The following RABGAP1L variants were observed in gnomAD, a reference collection of about 807,000 sequenced individuals.
RABGAP1L encodes RAB GTPase activating protein 1 like.
Under a neutral mutation model 137.7 loss-of-function variants are expected in RABGAP1L, and 63 were observed. The observed-to-expected ratio is 0.46, with a 90% CI of 0.37 to 0.56. The LOEUF (loss-of-function observed/expected upper bound fraction) is 0.56. Ranked by LOEUF, RABGAP1L falls within the 20% of genes least tolerant of loss-of-function variation. The pLI is 0.00. For missense variants in RABGAP1L, 1,095 were observed against 1,244.0 expected (o/e 0.88, Z 1.80); for synonymous variants, 431 against 433.7 (o/e 0.99, Z 0.08).
At chr1:174,666,041 C>T (rs1425758173) in intron 14 of RABGAP1L, among the ~76,000 whole-genome samples, 1 of 152,094 alleles carries the variant, frequency 6.6e-6, no homozygotes, top group East Asian at 1.9e-4. Context: ...ACTCTGTGAC[C>T]TCTTTTTATT....
In RABGAP1L at chr1:174,918,002, C is replaced by T. The variant is rs1661163897; in HGVS notation, c.2341-39455C>T. On this transcript the variant is annotated intron_variant, in intron 19 of 25. Transcript: ENST00000681986. ...GAGTGCCTGTCATGTGTCAGGGATACAGGGGTAAGTTGTCTGTAACCAGAA... is the reference window on the plus strand; with the variant it reads ...GAGTGCCTGTCATGTGTCAGGGATATAGGGGTAAGTTGTCTGTAACCAGAA... Among the ~76,000 whole-genome samples, 10 of 150,040 alleles carry T rather than the reference C, an allele frequency of 6.7e-5. No individual in the cohort carries two copies. The South Asian group carries it at 2.1e-3, about 32-fold the overall frequency.
chr1:174,666,880 C>T (rs964377749), intron 14 of RABGAP1L, among the ~76,000 whole-genome samples: 4 of 150,676 alleles, frequency 2.7e-5, no homozygotes, highest in African/African-American at 9.8e-5. Flanking sequence ...AGGTCAAGAG[C>T]AGTAGTAGTC....
intron 19 of RABGAP1L, among the ~76,000 whole-genome samples, chr1:174,888,143 G>A (rs1419915323): frequency 1.3e-5 from 2 of 152,096 alleles, no homozygotes; most frequent in African/African-American, 4.8e-5. Flanking sequence ...ATGGTAGTGA[G>A]GCTACTATAA....
intron 10 of RABGAP1L, 72 bp downstream of exon 10, chr1:174,278,851 G>C (rs1675241333): frequency 8.2e-7 from 1 of 1,213,870 alleles, no homozygotes; most frequent in East Asian, 2.8e-5. Context: ...TTAATGCCAA[G>C]ATAATTCCTG....
In RABGAP1L at chr1:174,882,603, A is replaced by G. The variant is rs369943035; in HGVS notation, c.2340+70643A>G. On this transcript the variant is annotated intron_variant, in intron 19 of 25. Transcript: ENST00000681986. ...AAATCTCTCTATCCACACTTTGGAA[A>G]ATATGATTATATCCTATTGAGTCCT... Among the ~76,000 whole-genome samples the G allele has an allele frequency of 5.9e-5, 9 of 152,362 alleles. No individual in the cohort carries two copies. The South Asian group carries it at 1.0e-3, about 18-fold the overall frequency.
chr1:174,433,970 A>G (rs998377492), intron 13 of RABGAP1L, among the ~76,000 whole-genome samples: 2 of 152,188 alleles, frequency 1.3e-5, no homozygotes, highest in Non-Finnish European at 2.9e-5. Flanking sequence ...ATACATTTTA[A>G]TGAGCTTTGA....
intron 11 of RABGAP1L, among the ~76,000 whole-genome samples, chr1:174,325,244 G>C (rs12088180): frequency 0.063 from 9,561 of 152,290 alleles, 979 homozygotes; most frequent in African/African-American, 0.21. Context: ...GTGGGGGAAA[G>C]AAAGTAATTT....
chr1:174,624,435 A>G (rs530279553), intron 13 of RABGAP1L, among the ~76,000 whole-genome samples: 13 of 152,298 alleles, frequency 8.5e-5, no homozygotes, highest in Non-Finnish European at 1.9e-4. Context: ...GAAATAATGG[A>G]CTATGCCCTG....
chr1:174,620,753 A>C (rs981608021), intron 13 of RABGAP1L, among the ~76,000 whole-genome samples: 1 of 152,192 alleles, frequency 6.6e-6, no homozygotes, highest in Non-Finnish European at 1.5e-5. Context: ...ACACATTCAA[A>C]AGCTAGCGGA....
At chr1:174,161,113 T>C (rs1664399904) in intron 1 of RABGAP1L, among the ~76,000 whole-genome samples, 1 of 152,132 alleles carries the variant, frequency 6.6e-6, no homozygotes, top group Admixed American at 6.5e-5. Context: ...CTAAATCAGT[T>C]CAATAAATGC....
chr1:174,765,216 T>G (rs1685572424), intron 18 of RABGAP1L, among the ~76,000 whole-genome samples: 1 of 152,220 alleles, frequency 6.6e-6, no homozygotes, highest in South Asian at 2.1e-4. Context: ...GCCACCTTAG[T>G]GGACATGAAG....
intron 19 of RABGAP1L, among the ~76,000 whole-genome samples, chr1:174,822,208 C>T (rs116130300): frequency 0.11 from 16,448 of 152,196 alleles, 975 homozygotes; most frequent in East Asian, 0.22. Flanking sequence ...TTGTGGTGAG[C>T]GGAGATTGCA....
chr1:174,636,583 G>C (rs938441447), intron 13 of RABGAP1L, among the ~76,000 whole-genome samples: 2 of 150,702 alleles, frequency 1.3e-5, no homozygotes, highest in African/African-American at 4.9e-5. Flanking sequence ...TTCCTGTTTT[G>C]TGGAATCAGT....
intron 13 of RABGAP1L, among the ~76,000 whole-genome samples, chr1:174,403,015 T>G (rs1020612186): frequency 3.3e-5 from 5 of 152,070 alleles, no homozygotes; most frequent in African/African-American, 1.2e-4. Flanking sequence ...TAGATTGTAG[T>G]TGTGTGGTCT....
At chr1:174,758,396 A>G (rs1684942234) in intron 18 of RABGAP1L, among the ~76,000 whole-genome samples, 2 of 151,800 alleles carry the variant, frequency 1.3e-5, no homozygotes, top group African/African-American at 4.8e-5. Flanking sequence ...GGTTTCATCT[A>G]TAAATGTTTA....
At chr1:174,953,212 A>G (rs1037855206) in intron 19 of RABGAP1L, among the ~76,000 whole-genome samples, 2 of 152,210 alleles carry the variant, frequency 1.3e-5, no homozygotes, top group African/African-American at 4.8e-5. Context: ...CATGATTAAT[A>G]TATATTCAGT....
chr1:174,485,321 G>C (rs1381095649), intron 13 of RABGAP1L, among the ~76,000 whole-genome samples: 2 of 152,054 alleles, frequency 1.3e-5, no homozygotes, highest in Admixed American at 6.5e-5. Context: ...CCGATTTGAT[G>C]CTCTTTATAT....
chr1:174,935,937 C>T (rs984876360), intron 19 of RABGAP1L, among the ~76,000 whole-genome samples: 1 of 139,244 alleles, frequency 7.2e-6, no homozygotes, highest in Non-Finnish European at 1.5e-5. Context: ...GCCAAGATTG[C>T]ACCATTGCAC....
intron 13 of RABGAP1L, among the ~76,000 whole-genome samples, chr1:174,534,802 A>AAAAAAAAAAAAAAAAAAAAAT (rs1553324953): frequency 1.5e-5 from 2 of 137,266 alleles, no homozygotes; most frequent in East Asian, 4.1e-4. Flanking sequence ...AAAAAAAAAA[A>AAAAAAAAAAAAAAAAAAAAAT]AATAATTAGA....
Sources: gnomAD v4.1 joint callset for allele counts (sites outside exome capture counted in the v4.1 genomes callset) on GRCh38, gnomAD v4.1.1 for gene constraint, MANE v1.5 for transcripts, NCBI Gene and HGNC (gene_info 2026-07-23, HGNC 2026-07-21) for gene names.